EMC1: variants seen among roughly 807,000 people sequenced by gnomAD.
EMC1 encodes KIAA0090.
In EMC1, 103 loss-of-function variants were observed where a neutral mutation model predicts 128.8. That is an observed-to-expected ratio of 0.80 (90% confidence interval 0.68 to 0.94). The LOEUF (loss-of-function observed/expected upper bound fraction) is 0.94. Among genes scored for constraint, EMC1 ranks in the 40% least tolerant of loss-of-function variants. The pLI is 0.00. For synonymous variants in EMC1, 442 were observed against 490.4 expected (o/e 0.90, Z 1.30); for missense variants, 1,083 against 1,250.6 (o/e 0.87, Z 2.02).
chr1:19,232,541 C>A, intron 15 of EMC1, 83 bp downstream of exon 15: 1 of 1,502,100 alleles, frequency 6.7e-7, no homozygotes, highest in Non-Finnish European at 9.2e-7. Context: ...TCACACAATT[C>A]CAAGGGCCTA....
rs528947621 is a variant in EMC1, at chr1:19,228,889, T to C, written c.2065-1439A>G. On this transcript the variant is annotated intron_variant, in intron 17 of 22. Coordinates refer to ENST00000477853, the MANE Select transcript of EMC1 (RefSeq NM_015047.3). ...CAACATGGTGAAACCCCGTCTCTAC[T>C]GAAAATACAAAAATTAGCCAGGCAT... Among the ~76,000 whole-genome samples, 9 of 152,136 alleles carry C rather than the reference T, an allele frequency of 5.9e-5. No individual in the cohort carries two copies. The South Asian group carries it at 1.9e-3, about 32-fold the overall frequency.
At chr1:19,228,567 T>C (rs2093495682) in intron 17 of EMC1, among the ~76,000 whole-genome samples, 1 of 152,112 alleles carries the variant, frequency 6.6e-6, no homozygotes, top group Non-Finnish European at 1.5e-5. Context: ...CCTGAAGTGG[T>C]CACCAGGTAC....
intron 12 of EMC1, 50 bp downstream of exon 12, chr1:19,237,092 A>G (rs1178663109): frequency 5.3e-6 from 7 of 1,324,812 alleles, no homozygotes; most frequent in Non-Finnish European, 7.6e-6. Context: ...ATTGGAACAC[A>G]TTGGAAGGCC....
intron 8 of EMC1, chr1:19,239,586 C>T: frequency 1.7e-6 from 1 of 586,494 alleles, no homozygotes; most frequent in Non-Finnish European, 3.0e-6. Flanking sequence ...CCCATATTTC[C>T]TTTGGACTAA....
rs373217588 is a variant in EMC1 at position 19,230,926 on chromosome 1, T to C, written c.1982A>G (p.Gln661Arg). The C allele has an allele frequency of 1.9e-5, 31 of 1,614,188 alleles. No individual in the cohort carries two copies. Among genetic ancestry groups the C allele is most frequent in the Non-Finnish European group, 2.5e-5 (29 of 1,180,036 alleles). Residue 661 changes from glutamine (Q) to arginine (R), a missense_variant, in exon 17 of 23, where the codon CAG (glutamine) becomes CGG (arginine). Gln to Arg is a conservative substitution (Grantham distance 43). Coordinates refer to ENST00000477853, the MANE Select transcript of EMC1 (RefSeq NM_015047.3). ...GATGGAAGGGGCAAGCTCATGTAGCTGTCGCAAGACATTCCGAGTGGCTGG... is the reference window on the plus strand; with the variant it reads ...GATGGAAGGGGCAAGCTCATGTAGCCGTCGCAAGACATTCCGAGTGGCTGG... ...AFPATRNVLRQLHELAPSIFF... is the reference protein window; with the variant it reads ...AFPATRNVLRRLHELAPSIFF...
intron 21 of EMC1, chr1:19,219,985 C>A: frequency 2.7e-6 from 1 of 374,548 alleles, no homozygotes. Flanking sequence ...AGAGGAAAGC[C>A]GACCATTTTA....
In EMC1 at chr1:19,240,201, G is replaced by A. The variant is rs1249024152; in HGVS notation, c.786+96C>T. On this transcript the variant is annotated intron_variant, in intron 7 of 22. Transcript: ENST00000477853. ...CTGAATGGCTTCCACTGCTCAGGAA[G>A]AGTCTAGGAGAAAGACCCTCCAGGG... The A allele has an allele frequency of 7.4e-6, 11 of 1,482,216 alleles. No individual in the cohort carries two copies. In the Admixed American group the frequency reaches 2.0e-4, roughly 26 times the overall value. 91.8% of individuals were successfully genotyped at this position (1,482,216 alleles called of 1,614,324 possible). A position where few individuals can be genotyped will look rare whatever the true frequency, so the allele number is the denominator to read the frequency against.
intron 1 of EMC1, among the ~76,000 whole-genome samples, chr1:19,251,192 G>T (rs1013688915): frequency 3.3e-5 from 5 of 152,194 alleles, no homozygotes; most frequent in African/African-American, 9.7e-5. Context: ...CGGCTTACAC[G>T]CAAGGATCAG....
intron 18 of EMC1, among the ~76,000 whole-genome samples, chr1:19,224,547 A>G (rs2093457190): frequency 1.3e-5 from 2 of 152,020 alleles, no homozygotes; most frequent in South Asian, 2.1e-4. Context: ...TCTACCTTCA[A>G]AAGTACCCAG....
chr1:19,237,605 G>A (rs773385440), intron 11 of EMC1, among the ~76,000 whole-genome samples: 1 of 152,140 alleles, frequency 6.6e-6, no homozygotes, highest in Admixed American at 6.5e-5. Context: ...TGCACACAGA[G>A]GCAATACTGG....
In EMC1 at chr1:19,241,058, G is replaced by A; in HGVS notation, c.594C>T (p.Asn198=). 1 of 1,614,082 alleles carries A rather than the reference G, an allele frequency of 6.2e-7. No homozygotes were observed. The highest frequency in any genetic ancestry group is 8.5e-7 in the Non-Finnish European group (1 of 1,180,006). ...CATCTTCCACATTAAACTTGACAAT[G>A]TTCACATGGCTGAAGGGAACAACTC... ...ALGVVPFSHV[N]IVKFNVEDGE... is the part of the protein sequence containing the mutation. Residue 198 remains asparagine (N), a synonymous_variant, in exon 6 of 23, where the codon AAC becomes AAT. Coordinates refer to ENST00000477853, the MANE Select transcript of EMC1 (RefSeq NM_015047.3).
Position 19,237,188 on chromosome 1 carries a change from A to G in EMC1, c.1263T>C (p.Ala421=). The change falls in exon 12 of 23, where the codon GCT becomes GCC. Residue 421 remains alanine (A), a synonymous_variant. Transcript: ENST00000477853. ...LKKDDSVGYR[A]LVQTEDHLLL... is the part of the protein sequence containing the mutation. ...GCAGATGATCCTCTGTCTGCACCAA[A>G]GCCCGGTAGCCCACTGAGTCATCCT... 6.2e-7 allele frequency: 1 copy of G among 1,614,110 alleles called. No homozygotes were observed. Among genetic ancestry groups the G allele is most frequent in the Non-Finnish European group, 8.5e-7 (1 of 1,180,000 alleles).
intron 1 of EMC1, 94 bp downstream of exon 1, chr1:19,251,321 G>T: frequency 8.5e-7 from 1 of 1,176,762 alleles, no homozygotes; most frequent in South Asian, 1.3e-5. Context: ...CAAATTATGC[G>T]GCCAATCCTG....
rs1158517774 is a variant in EMC1, at chr1:19,218,391, G to GACCCA, written c.*907_*911dup. On this transcript the variant is annotated 3_prime_UTR_variant, in exon 23 of 23. Coordinates refer to ENST00000477853, the MANE Select transcript of EMC1 (RefSeq NM_015047.3). ...TTCCTCATTTAAGGAGAAATATAAT[G>GACCCA]ACCCACATGTTAATTTATATTAAAA... The GACCCA allele has an allele frequency of 6.6e-6, 1 of 152,028 alleles. No homozygotes were observed. The highest frequency in any genetic ancestry group is 2.4e-5 in the African/African-American group (1 of 41,342). The allele number at this position is 152,028 out of a possible 1,614,324, so 9.4% of individuals were successfully genotyped here. A position where few individuals can be genotyped will look rare whatever the true frequency, so the allele number is the denominator to read the frequency against.
chr1:19,235,313 A>G, intron 12 of EMC1, 61 bp from the exon 13 acceptor site: 1 of 1,553,574 alleles, frequency 6.4e-7, no homozygotes, highest in Non-Finnish European at 8.7e-7. Context: ...CATGCCTGTA[A>G]TCCCAGCACT....
Position 19,239,852 on chromosome 1 carries a change from T to A in EMC1, c.920A>T (p.Tyr307Phe). Residue 307 changes from tyrosine (Y) to phenylalanine (F), a missense_variant, in exon 8 of 23, where the codon TAT becomes TTT. By Grantham distance (22) the Tyr-to-Phe change is conservative. Around this residue, in one of 3 missense-constraint regions of EMC1, gnomAD observed 544 missense variants for 572.4 expected, o/e 0.95. Transcript: ENST00000477853. ...GTTTTTAAGCAAACTCAGCGTTCCA[T>A]AATGGTACTGCAGCAGAGCATAGTG... is the stretch of plus-strand genomic sequence containing the variant. ...PSHYALLQYH[Y>F]GTLSLLKNFP... 9 of 1,613,980 alleles carry A rather than the reference T, an allele frequency of 5.6e-6. No individual in the cohort carries two copies. The highest frequency in any genetic ancestry group is 6.8e-6 in the Non-Finnish European group (8 of 1,179,966).
chr1:19,237,488 A>T (rs965652860), intron 11 of EMC1, among the ~76,000 whole-genome samples: 2 of 152,126 alleles, frequency 1.3e-5, no homozygotes, highest in Non-Finnish European at 2.9e-5. Context: ...CACGCCATTC[A>T]TCCATGCTCT....
rs753353617 is a variant in EMC1, at chr1:19,232,963, C to A, written c.1605G>T (p.Met535Ile). 6.2e-6 allele frequency: 10 copies of A among 1,614,032 alleles called. No individual in the cohort carries two copies. Among genetic ancestry groups the A allele is most frequent in the African/African-American group, 1.3e-5 (1 of 74,916 alleles). ...TGCCTGAGGCTGTTACCATCACCAT[C>A]ATCTTCTGGAGGTTGAATTCATCTC... ...LARDEFNLQKMMVMVTASGKL... is the reference protein window; with the variant it reads ...LARDEFNLQKIMVMVTASGKL... The change falls in exon 14 of 23, where the codon ATG (methionine) becomes ATT (isoleucine). Residue 535 changes from methionine (M) to isoleucine (I), a missense_variant. Around this residue, in one of 3 missense-constraint regions of EMC1, gnomAD observed 527 missense variants for 644.1 expected, o/e 0.82. Transcript: ENST00000477853.
chr1:19,235,006 T>A, intron 13 of EMC1, 124 bp downstream of exon 13: 1 of 1,137,178 alleles, frequency 8.8e-7, no homozygotes, highest in Non-Finnish European at 1.2e-6. Flanking sequence ...ACAGAGCTCA[T>A]TCAGAAAAGA....
Sources: allele counts gnomAD v4.1 joint callset (sites outside exome capture counted in the v4.1 genomes callset), GRCh38; gene constraint gnomAD v4.1.1; regional missense constraint gnomAD v4.1.1; transcripts MANE v1.5; gene names NCBI Gene and HGNC (gene_info 2026-07-23, HGNC 2026-07-21).